Variants in RBFOX1 observed in about 807,000 individuals in gnomAD.
RBFOX1 encodes RNA binding protein fox-1 homolog 1.
A neutral mutation model predicts 57.7 loss-of-function variants in RBFOX1; 8 were observed. The ratio of observed to expected loss-of-function variants is 0.14; its 90% confidence interval spans 0.08 to 0.25. The LOEUF (loss-of-function observed/expected upper bound fraction) is 0.25, where lower values mean the gene tolerates loss of function less well. Ranked by LOEUF, RBFOX1 falls within the 10% of genes least tolerant of loss-of-function variation. The pLI, the probability that RBFOX1 is intolerant of heterozygous loss-of-function variation, is 1.00. For missense variants in RBFOX1, 611 were observed against 548.5 expected (o/e 1.11, Z -1.14); for synonymous variants, 326 against 222.4 (o/e 1.47, Z -4.15).
chr16:7,411,050 A>G (rs564820520), intron 4 of RBFOX1, among the ~76,000 whole-genome samples: 2 of 152,054 alleles, frequency 1.3e-5, no homozygotes, highest in Non-Finnish European at 2.9e-5. Flanking sequence ...AGTTTAAGCA[A>G]TTCTTGTGCC....
intron 1 of RBFOX1, among the ~76,000 whole-genome samples, chr16:5,249,285 G>A (rs193057468): frequency 4.6e-5 from 7 of 152,234 alleles, no homozygotes; most frequent in African/African-American, 1.2e-4. Context: ...CCTTGGCTTC[G>A]TGTCCCCCTT....
At chr16:5,358,641 T>C (rs2065458346) in intron 1 of RBFOX1, among the ~76,000 whole-genome samples, 1 of 152,130 alleles carries the variant, frequency 6.6e-6, no homozygotes, top group African/African-American at 2.4e-5. Flanking sequence ...CTGAATAACA[T>C]GGAGAAACCC....
chr16:5,444,151 G>A (rs1025579777), intron 1 of RBFOX1, among the ~76,000 whole-genome samples: 1 of 152,036 alleles, frequency 6.6e-6, no homozygotes, highest in African/African-American at 2.4e-5. Flanking sequence ...ATAAGAGGCT[G>A]GAACATGTTT....
intron 4 of RBFOX1, among the ~76,000 whole-genome samples, chr16:5,894,696 C>G (rs1455007592): frequency 6.6e-6 from 1 of 152,134 alleles, no homozygotes; most frequent in African/African-American, 2.4e-5. Flanking sequence ...ACCATGTTAT[C>G]TATATTGCAC....
At chr16:7,109,989 C>G (rs749335847) in intron 4 of RBFOX1, among the ~76,000 whole-genome samples, 15 of 152,030 alleles carry the variant, frequency 9.9e-5, no homozygotes, top group South Asian at 4.1e-4. Flanking sequence ...GTAAAACAAA[C>G]AAGCCTGATT....
intron 4 of RBFOX1, among the ~76,000 whole-genome samples, chr16:7,414,178 A>G (rs983638633): frequency 6.6e-6 from 1 of 152,234 alleles, no homozygotes; most frequent in Non-Finnish European, 1.5e-5. Flanking sequence ...CAAGTGTTTC[A>G]CATACACTTC....
At chr16:7,483,085 C>T (rs911724596) in intron 4 of RBFOX1, among the ~76,000 whole-genome samples, 1 of 152,120 alleles carries the variant, frequency 6.6e-6, no homozygotes, top group Non-Finnish European at 1.5e-5. Context: ...AAGGTGCTAC[C>T]CTTTTATTCA....
intron 3 of RBFOX1, among the ~76,000 whole-genome samples, chr16:6,867,452 C>G (rs1024038763): frequency 1.3e-5 from 2 of 151,940 alleles, no homozygotes; most frequent in Non-Finnish European, 2.9e-5. Context: ...GGTGTGGGGG[C>G]TCACTCATGT....
chr16:5,430,857 C>T (rs1039267710), intron 1 of RBFOX1, among the ~76,000 whole-genome samples: 3 of 152,156 alleles, frequency 2.0e-5, no homozygotes, highest in South Asian at 2.1e-4. Context: ...TTACACATAG[C>T]CTCCAAAGAA....
chr16:6,763,169 C>G (rs559173493), intron 3 of RBFOX1, among the ~76,000 whole-genome samples: 2 of 152,340 alleles, frequency 1.3e-5, no homozygotes, highest in South Asian at 4.1e-4. Flanking sequence ...TTTATCTTTG[C>G]TAACCTAATG....
intron 2 of RBFOX1, among the ~76,000 whole-genome samples, chr16:6,620,694 T>G (rs1261731005): frequency 6.6e-6 from 1 of 151,840 alleles, no homozygotes; most frequent in Non-Finnish European, 1.5e-5. Context: ...CCCACAGAAA[T>G]ACAAACAACC....
intron 5 of RBFOX1, among the ~76,000 whole-genome samples, chr16:7,531,157 G>C (rs1361754486): frequency 6.6e-6 from 1 of 152,168 alleles, no homozygotes; most frequent in Non-Finnish European, 1.5e-5. Flanking sequence ...AATATGTAGA[G>C]TTGCAAATCA....
intron 4 of RBFOX1, among the ~76,000 whole-genome samples, chr16:5,964,466 A>G (rs187862884): frequency 4.7e-4 from 71 of 152,314 alleles, no homozygotes; most frequent in Non-Finnish European, 8.7e-4. Context: ...ATTATTCACA[A>G]TAGCCAAAAT....
At chr16:6,669,219 C>T (rs935060107) in intron 3 of RBFOX1, among the ~76,000 whole-genome samples, 1 of 152,128 alleles carries the variant, frequency 6.6e-6, no homozygotes, top group African/African-American at 2.4e-5. Context: ...GAACGTGATG[C>T]AATAACAACA....
intron 3 of RBFOX1, among the ~76,000 whole-genome samples, chr16:6,731,493 T>C (rs1469779871): frequency 1.3e-5 from 2 of 152,184 alleles, no homozygotes; most frequent in Admixed American, 6.5e-5. Context: ...GCTGCGAGTA[T>C]CTGTGTCTCA....
chr16:5,717,882 A>G (rs2051775954), intron 3 of RBFOX1, among the ~76,000 whole-genome samples: 1 of 152,240 alleles, frequency 6.6e-6, no homozygotes, highest in South Asian at 2.1e-4. Flanking sequence ...GAGAAATTGC[A>G]GGTCGAAGGT....
downstream of RBFOX1, among the ~76,000 whole-genome samples, chr16:5,602,123 C>T (rs1347876448): frequency 6.6e-6 from 1 of 152,240 alleles, no homozygotes; most frequent in East Asian, 1.9e-4. Flanking sequence ...TGGACTCTCA[C>T]AGGTCAGCTT....
intron 2 of RBFOX1, among the ~76,000 whole-genome samples, chr16:6,616,586 G>C (rs1354793018): frequency 6.6e-6 from 1 of 152,174 alleles, no homozygotes; most frequent in East Asian, 1.9e-4. Flanking sequence ...TGAGGCAGGA[G>C]AATAGCATGA....
intron 2 of RBFOX1, among the ~76,000 whole-genome samples, chr16:6,455,958 C>G (rs894962471): frequency 6.6e-6 from 1 of 152,174 alleles, no homozygotes; most frequent in East Asian, 1.9e-4. Flanking sequence ...GATTAAGAAT[C>G]TTAGACTAAA....
Sources: allele counts gnomAD v4.1 joint callset (sites outside exome capture counted in the v4.1 genomes callset), GRCh38; gene constraint gnomAD v4.1.1; transcripts MANE v1.5; gene names NCBI Gene and HGNC (gene_info 2026-07-23, HGNC 2026-07-21).